Variants in FBXO9 observed in about 807,000 individuals in gnomAD.
FBXO9 encodes the protein F-box protein 9, also known as F-box only protein 9.
In FBXO9, 43 loss-of-function variants were observed where a neutral mutation model predicts 63.7. That is an observed-to-expected ratio of 0.67 (90% CI 0.53 to 0.87). The LOEUF (loss-of-function observed/expected upper bound fraction) is 0.87, where lower values mean the gene tolerates loss of function less well. FBXO9 is among the 40% of genes least tolerant of loss of function. The pLI is 0.00. For missense variants in FBXO9, 442 were observed against 533.2 expected, an observed-to-expected ratio of 0.83 and a Z score of 1.68; for synonymous variants, 156 against 171.7, an observed-to-expected ratio of 0.91 and a Z score of 0.72.
At chr6:53,071,579 T>C (rs1038519788) in intron 2 of FBXO9, among the ~76,000 whole-genome samples, 1 of 152,220 alleles carries the variant, frequency 6.6e-6, no homozygotes, top group Non-Finnish European at 1.5e-5. Flanking sequence ...TAAAAAGATA[T>C]GAGTGGACTG....
intron 2 of FBXO9, among the ~76,000 whole-genome samples, chr6:53,072,590 A>C (rs1394960868): frequency 1.3e-5 from 2 of 152,236 alleles, no homozygotes; most frequent in African/African-American, 4.8e-5. Context: ...GGCAATACCC[A>C]AAAGGGCTGA....
rs768917647 is a variant in FBXO9 at position 53,065,808 on chromosome 6, G to C, written c.3+16G>C. The C allele has an allele frequency of 4.4e-6, 6 of 1,352,916 alleles. No individual in the cohort carries two copies. The highest frequency in any genetic ancestry group is 5.7e-6 in the Non-Finnish European group (6 of 1,051,552). 83.8% of individuals were successfully genotyped at this position (1,352,916 alleles called of 1,614,324 possible). On this transcript the variant is annotated intron_variant, in intron 1 of 12. Coordinates refer to ENST00000323557, the MANE Select transcript of FBXO9 (RefSeq NM_033480.3). Reference sequence around the variant, plus strand: ...CGCCAGCATGGTAACCTGGCCAGGGGGCTCGAGGGTGGACGCCGCGGGGCG... The same window carrying C: ...CGCCAGCATGGTAACCTGGCCAGGGCGCTCGAGGGTGGACGCCGCGGGGCG...
chr6:53,084,935 C>T (rs893593637), intron 7 of FBXO9, among the ~76,000 whole-genome samples: 7 of 152,046 alleles, frequency 4.6e-5, no homozygotes, highest in African/African-American at 7.2e-5. Flanking sequence ...GTTTTACTCA[C>T]GATAAGGCTG....
intron 8 of FBXO9, 53 bp from the exon 9 acceptor site, chr6:53,092,681 G>T: frequency 6.9e-7 from 1 of 1,454,444 alleles, no homozygotes; most frequent in Non-Finnish European, 9.5e-7. Context: ...TAAATATAAT[G>T]CTGGGAATAT....
At chr6:53,068,450 C>T (rs1057014255) in intron 1 of FBXO9, among the ~76,000 whole-genome samples, 1 of 151,884 alleles carries the variant, frequency 6.6e-6, no homozygotes, top group African/African-American at 2.4e-5. Flanking sequence ...CCACTGAAGC[C>T]GATCCAATAT....
chr6:53,078,694 G>A (rs1311952034), intron 4 of FBXO9, 105 bp from the exon 5 acceptor site: 6 of 762,830 alleles, frequency 7.9e-6, no homozygotes, highest in Non-Finnish European at 1.1e-5. Flanking sequence ...ACAGAATTTG[G>A]CCGTTTGTAA....
intron 11 of FBXO9, chr6:53,094,828 G>A: frequency 2.4e-6 from 1 of 410,098 alleles, no homozygotes; most frequent in South Asian, 1.7e-5. Context: ...GACTGTGACT[G>A]CAGGTTTCCT....
rs142362406 is a variant in FBXO9, at chr6:53,073,424, G to A, written c.91-57G>A. ...TAGATGTTGGACATATTGATACATT[G>A]TTCCAGAGTTGAGCTACCCTTCCTT... On this transcript the variant is annotated intron_variant, in intron 2 of 12. Transcript: ENST00000323557. 62 of 1,467,818 alleles carry A rather than the reference G, an allele frequency of 4.2e-5. No individual in the cohort carries two copies. In the East Asian group the frequency reaches 1.4e-3, roughly 33 times the overall value. 90.9% of individuals were successfully genotyped at this position (1,467,818 alleles called of 1,614,324 possible). A position where few individuals can be genotyped will look rare whatever the true frequency, so the allele number is the denominator to read the frequency against.
At chr6:53,092,257 T>C in intron 7 of FBXO9, 172 bp from the exon 8 acceptor site, 1 of 559,136 alleles carries the variant, frequency 1.8e-6, no homozygotes, top group Admixed American at 3.3e-5. Flanking sequence ...CTCAATTTGC[T>C]TTCCCACAGT....
chr6:53,098,165 A>G lies in FBXO9; in HGVS notation c.*335A>G, dbSNP rs888819418. On this transcript the variant is annotated 3_prime_UTR_variant, in exon 13 of 13. Transcript: ENST00000323557. Reference sequence around the variant, plus strand: ...ATCATGCCCTTTTTCAAGCAGATTTATGAGCAGATTTCTGTCACATAAGTC... The same window carrying G: ...ATCATGCCCTTTTTCAAGCAGATTTGTGAGCAGATTTCTGTCACATAAGTC... The G allele has an allele frequency of 1.0e-5, 4 of 385,598 alleles. No individual in the cohort carries two copies. The highest frequency in any genetic ancestry group is 1.6e-5 in the Non-Finnish European group (3 of 187,336). The allele number at this position is 385,598 out of a possible 1,614,324, so 23.9% of individuals were successfully genotyped here. A position where few individuals can be genotyped will look rare whatever the true frequency, so the allele number is the denominator to read the frequency against.
chr6:53,070,246 C>T (rs1433639695), intron 1 of FBXO9, among the ~76,000 whole-genome samples: 1 of 151,776 alleles, frequency 6.6e-6, no homozygotes, highest in Non-Finnish European at 1.5e-5. Context: ...TCTTGAACTC[C>T]TGACCTCAAG....
In FBXO9 at chr6:53,065,768, C is replaced by T; in HGVS notation, c.-22C>T. ...GAGGGGGCACGGAGAGCCCCTCGAGCGCAGCAGGCCGCCCCGCCAGCATGG... is the reference window on the plus strand; with the variant it reads ...GAGGGGGCACGGAGAGCCCCTCGAGTGCAGCAGGCCGCCCCGCCAGCATGG... On this transcript the variant is annotated 5_prime_UTR_variant, in exon 1 of 13. Transcript: ENST00000323557. 1 of 1,392,956 alleles carries T rather than the reference C, an allele frequency of 7.2e-7. No homozygotes were observed. The highest frequency in any genetic ancestry group is 9.3e-7 in the Non-Finnish European group (1 of 1,073,606). The allele number at this position is 1,392,956 out of a possible 1,614,324, so 86.3% of individuals were successfully genotyped here.
intron 7 of FBXO9, among the ~76,000 whole-genome samples, chr6:53,084,253 A>T (rs1769402090): frequency 6.6e-6 from 1 of 152,246 alleles, no homozygotes; most frequent in African/African-American, 2.4e-5. Context: ...CCATGTAATC[A>T]TGCTACCTGT....
intron 4 of FBXO9, among the ~76,000 whole-genome samples, chr6:53,076,799 TAA>T (rs34970749): frequency 1.5e-4 from 22 of 150,724 alleles, no homozygotes; most frequent in African/African-American, 4.4e-4. Context: ...ATTTTTTTTT[TAA>T]ATTTGTATTT....
Position 53,097,736 on chromosome 6 carries a change from C to G in FBXO9, c.1220C>G (p.Thr407Ser), listed in dbSNP as rs1247177442. 2.5e-6 allele frequency: 4 copies of G among 1,598,792 alleles called. No homozygotes were observed. In the Admixed American group the frequency reaches 5.1e-5, roughly 20 times the overall value. ...TTTTTTTACAGATCAACTGGTGAGA[C>G]TGCAGTCAGTGCTTTTGAGATTGAC... ...CHITYKSTGE[T>S]AVSAFEIDKM... The change falls in exon 13 of 13, where the codon ACT becomes AGT. Residue 407 changes from threonine to serine, a missense_variant. This residue lies in a region of FBXO9 where 262 missense variants were observed against 362.1 expected (regional missense o/e 0.72). Transcript: ENST00000323557.
At chr6:53,077,270 C>T (rs921176776) in intron 4 of FBXO9, among the ~76,000 whole-genome samples, 4 of 151,644 alleles carry the variant, frequency 2.6e-5, no homozygotes, top group African/African-American at 4.8e-5. Flanking sequence ...GTCAGGAGAT[C>T]GAGACCATCC....
chr6:53,065,973 C>T (rs1768683844), intron 1 of FBXO9, 181 bp downstream of exon 1: 1 of 1,168,286 alleles, frequency 8.6e-7, no homozygotes, highest in East Asian at 3.2e-5. Flanking sequence ...GGGTGCCAAC[C>T]CTGGCTTCTC....
At chr6:53,082,302 T>C (rs557117967) in intron 6 of FBXO9, among the ~76,000 whole-genome samples, 1 of 152,304 alleles carries the variant, frequency 6.6e-6, no homozygotes, top group African/African-American at 2.4e-5. Context: ...TTCAGATCTA[T>C]ACTGAAAAAA....
chr6:53,092,645 G>T, intron 8 of FBXO9, 89 bp from the exon 9 acceptor site: 1 of 1,391,468 alleles, frequency 7.2e-7, no homozygotes, highest in East Asian at 2.3e-5. Context: ...TGTGAGTACT[G>T]TAAGCATGTT....
Sources: allele counts gnomAD v4.1 joint callset (sites outside exome capture counted in the v4.1 genomes callset), GRCh38; gene constraint gnomAD v4.1.1; regional missense constraint gnomAD v4.1.1; transcripts MANE v1.5; gene names NCBI Gene and HGNC (gene_info 2026-07-23, HGNC 2026-07-21).